MYO5A: variants seen among roughly 807,000 people sequenced by gnomAD.
The protein encoded by MYO5A is myosin VA, also known as unconventional myosin-Va.
A neutral mutation model predicts 249.7 loss-of-function variants in MYO5A; 98 were observed. That is an observed-to-expected ratio of 0.39 (90% CI 0.33 to 0.46). MYO5A has a LOEUF of 0.46. MYO5A is among the 20% of genes least tolerant of loss of function. MYO5A has a pLI of 0.98. For synonymous variants in MYO5A, 778 were observed against 810.6 expected (o/e 0.96, Z 0.68); for missense variants, 1,696 against 2,308.8 (o/e 0.73, Z 5.44).
intron 1 of MYO5A, among the ~76,000 whole-genome samples, chr15:52,469,173 GAAC>G (rs1170894538): frequency 6.6e-6 from 1 of 152,090 alleles, no homozygotes; most frequent in Non-Finnish European, 1.5e-5. Context: ...GTTGACCCTT[GAAC>G]AACATGTGGG....
chr15:52,473,517 T>C (rs1463180095), intron 1 of MYO5A, among the ~76,000 whole-genome samples: 4 of 152,246 alleles, frequency 2.6e-5, no homozygotes, highest in African/African-American at 9.6e-5. Flanking sequence ...CCAGGGTTTT[T>C]ATGGTTTTAG....
At chr15:52,429,335 C>T (rs1355329205) in intron 2 of MYO5A, among the ~76,000 whole-genome samples, 1 of 152,044 alleles carries the variant, frequency 6.6e-6, no homozygotes. Context: ...GGGCGGATTA[C>T]CTGAGGTCAG....
chr15:52,450,279 A>G (rs1158519726), intron 1 of MYO5A, among the ~76,000 whole-genome samples: 2 of 152,138 alleles, frequency 1.3e-5, no homozygotes, highest in Admixed American at 6.5e-5. Context: ...AGATTAAATC[A>G]GTTATATATG....
chr15:52,352,175 C>T (rs1055107994), intron 27 of MYO5A, among the ~76,000 whole-genome samples: 1 of 152,198 alleles, frequency 6.6e-6, no homozygotes. Flanking sequence ...CTCATCCCTC[C>T]AATAGTTCAT....
intron 1 of MYO5A, among the ~76,000 whole-genome samples, chr15:52,434,731 G>A (rs1304996307): frequency 2.0e-5 from 3 of 152,186 alleles, no homozygotes; most frequent in Admixed American, 2.0e-4. Flanking sequence ...GACTCTCTGG[G>A]AAGAAATTTC....
intron 1 of MYO5A, among the ~76,000 whole-genome samples, chr15:52,498,713 T>C (rs532836166): frequency 1.4e-3 from 216 of 152,318 alleles, no homozygotes; most frequent in African/African-American, 5.0e-3. Context: ...TTAAAAATAT[T>C]TTCCTGTTCT....
intron 8 of MYO5A, among the ~76,000 whole-genome samples, chr15:52,406,896 G>A (rs1438158433): frequency 1.3e-5 from 2 of 152,226 alleles, no homozygotes; most frequent in African/African-American, 2.4e-5. Context: ...TACAAAATGC[G>A]AGCTTGTAGA....
At chr15:52,370,034 A>G in intron 22 of MYO5A, 135 bp downstream of exon 22, 1 of 1,163,224 alleles carries the variant, frequency 8.6e-7, no homozygotes, top group Non-Finnish European at 1.3e-6. Context: ...GGAAACAGTA[A>G]TAATGAACAG....
chr15:52,354,202 G>A (rs2040094208), intron 25 of MYO5A, among the ~76,000 whole-genome samples, 188 bp from the exon 26 acceptor site: 1 of 152,196 alleles, frequency 6.6e-6, no homozygotes, highest in African/African-American at 2.4e-5. Context: ...AAACAACAAT[G>A]AGCTGCTACT....
chr15:52,397,332 G>A lies in MYO5A; in HGVS notation c.1188C>T (p.Ala396=). ...TGGCCAAAGCATCGCGGGCATTCGT[G>A]GCCTGCAGCTTGGAGATGGGCTTGA... ...TYIKPISKLQ[A]TNARDALAKH... Residue 396 remains alanine (A), a synonymous_variant, in exon 10 of 42, where the codon GCC becomes GCT. Transcript: ENST00000399233. 1.2e-6 allele frequency: 2 copies of A among 1,614,048 alleles called. No individual in the cohort carries two copies. The highest frequency in any genetic ancestry group is 2.2e-5 in the East Asian group (1 of 44,864).
At chr15:52,349,617 C>T (rs1397414936) in intron 28 of MYO5A, among the ~76,000 whole-genome samples, 1 of 152,152 alleles carries the variant, frequency 6.6e-6, no homozygotes, top group Non-Finnish European at 1.5e-5. Context: ...TTTTTCTTTT[C>T]CTTTCTCTTG....
intron 22 of MYO5A, among the ~76,000 whole-genome samples, chr15:52,367,939 C>A (rs554056958): frequency 6.6e-6 from 1 of 150,572 alleles, no homozygotes; most frequent in East Asian, 1.9e-4. Flanking sequence ...CTTTCTAGTT[C>A]TTTGCTGGAT....
Position 52,434,125 on chromosome 15 carries a change from G to C in MYO5A, c.28-840C>G, listed in dbSNP as rs964571770. Among the ~76,000 whole-genome samples, 3 of 151,268 alleles carry C rather than the reference G, an allele frequency of 2.0e-5. No homozygotes were observed. In the East Asian group the frequency reaches 5.8e-4, roughly 29 times the overall value. ...AGTGATTCTCCTGCCTCAGCCTCAC[G>C]AGTAGCTGGGACTACAGGCATGTGC... On this transcript the variant is annotated intron_variant, in intron 1 of 41. Coordinates refer to ENST00000399233, the MANE Select transcript of MYO5A (RefSeq NM_001382347.1).
At chr15:52,371,752 C>A (rs966353344) in intron 21 of MYO5A, among the ~76,000 whole-genome samples, 16 of 151,934 alleles carry the variant, frequency 1.1e-4, no homozygotes, top group Non-Finnish European at 2.4e-4. Context: ...TGCCTGTAGT[C>A]CCATATACTC....
At chr15:52,434,383 C>A (rs2075616069) in intron 1 of MYO5A, among the ~76,000 whole-genome samples, 1 of 152,080 alleles carries the variant, frequency 6.6e-6, no homozygotes, top group African/African-American at 2.4e-5. Context: ...GGAGCCATCA[C>A]AGTAGGGAGA....
intron 1 of MYO5A, among the ~76,000 whole-genome samples, chr15:52,437,677 A>C (rs1365932119): frequency 6.6e-6 from 1 of 152,110 alleles, no homozygotes; most frequent in Non-Finnish European, 1.5e-5. Flanking sequence ...AAACACAAAA[A>C]AGGAAAATGT....
At chr15:52,463,701 T>A (rs892053420) in intron 1 of MYO5A, among the ~76,000 whole-genome samples, 4 of 152,204 alleles carry the variant, frequency 2.6e-5, no homozygotes, top group African/African-American at 4.8e-5. Context: ...TCCTTTTATT[T>A]GACCTGTGAA....
In MYO5A at chr15:52,518,889, A is replaced by C. The variant is rs2077553824; in HGVS notation, c.27+9891T>G. 2.6e-5 allele frequency among the ~76,000 whole-genome samples: 4 copies of C among 152,240 alleles called. No homozygotes were observed. The South Asian group carries it at 8.3e-4, about 31-fold the overall frequency. On this transcript the variant is annotated intron_variant, in intron 1 of 41. Transcript: ENST00000399233. ...CAGGGAGTGGTAATAAAGCAAAAAC[A>C]AAAATGAAGTTCCCTCCTCAATCTA...
chr15:52,521,532 G>T (rs1437152226), intron 1 of MYO5A, among the ~76,000 whole-genome samples: 1 of 152,128 alleles, frequency 6.6e-6, no homozygotes, highest in Non-Finnish European at 1.5e-5. Context: ...GGCCACAGTA[G>T]TACATTAGGC....
Sources: allele counts gnomAD v4.1 joint callset (sites outside exome capture counted in the v4.1 genomes callset), GRCh38; gene constraint gnomAD v4.1.1; transcripts MANE v1.5; gene names NCBI Gene and HGNC (gene_info 2026-07-23, HGNC 2026-07-21).